KYNU: variants seen among roughly 807,000 people sequenced by gnomAD.
The protein encoded by KYNU is kynureninase, also known as L-kynurenine hydrolase.
KYNU carries 54 observed loss-of-function variants against 59.2 expected under a neutral mutation model. The ratio of observed to expected loss-of-function variants is 0.91; its 90% CI spans 0.73 to 1.14. The LOEUF (loss-of-function observed/expected upper bound fraction) is 1.14, where lower values mean the gene tolerates loss of function less well. Among genes scored for constraint, KYNU ranks in the 50% most tolerant of loss-of-function variants. KYNU has a pLI of 0.00. For synonymous variants in KYNU, 177 were observed against 192.0 expected (o/e 0.92, Z 0.65); for missense variants, 567 against 554.4 (o/e 1.02, Z -0.23).
intron 2 of KYNU, among the ~76,000 whole-genome samples, chr2:142,899,676 GATC>G (rs1682005776): frequency 6.6e-6 from 1 of 152,160 alleles, no homozygotes. Flanking sequence ...GCCCACAGTA[GATC>G]TTAGTCATGC....
chr2:143,002,032 A>C (rs978721869), intron 10 of KYNU, among the ~76,000 whole-genome samples: 1 of 152,154 alleles, frequency 6.6e-6, no homozygotes, highest in Non-Finnish European at 1.5e-5. Flanking sequence ...GCTTCCATAC[A>C]GGGGTAATAG....
chr2:143,032,861 A>G (rs543549798), intron 11 of KYNU, among the ~76,000 whole-genome samples: 3 of 152,250 alleles, frequency 2.0e-5, no homozygotes, highest in Non-Finnish European at 2.9e-5. Context: ...ACATGCCACT[A>G]AAAGCTGATG....
intron 10 of KYNU, among the ~76,000 whole-genome samples, chr2:143,018,208 C>A (rs1429680652): frequency 6.6e-6 from 1 of 152,098 alleles, no homozygotes; most frequent in African/African-American, 2.4e-5. Flanking sequence ...GTCATAAATT[C>A]TTTGCCAAAG....
At chr2:142,917,634 G>A (rs1457276247) in intron 2 of KYNU, among the ~76,000 whole-genome samples, 3 of 152,026 alleles carry the variant, frequency 2.0e-5, no homozygotes, top group Admixed American at 6.6e-5. Context: ...GAAATGGGGA[G>A]GCATATCTAA....
Position 143,042,279 on chromosome 2 carries a change from T to A in KYNU, c.*107T>A. On this transcript the variant is annotated 3_prime_UTR_variant, in exon 14 of 14. Transcript: ENST00000264170. Reference sequence around the variant, plus strand: ...AAAGTATGTCACCATTGACCACATGTAACTAACAATAAATAATATACCTTA... The same window carrying A: ...AAAGTATGTCACCATTGACCACATGAAACTAACAATAAATAATATACCTTA... The A allele has an allele frequency of 9.3e-7, 1 of 1,070,498 alleles. No homozygotes were observed. Among genetic ancestry groups the A allele is most frequent in the Non-Finnish European group, 1.4e-6 (1 of 717,286 alleles). The allele number at this position is 1,070,498 out of a possible 1,614,324, so 66.3% of individuals were successfully genotyped here.
chr2:142,936,797 C>G (rs1683404272), intron 4 of KYNU, among the ~76,000 whole-genome samples: 1 of 152,106 alleles, frequency 6.6e-6, no homozygotes, highest in Non-Finnish European at 1.5e-5. Context: ...TGAGGAGTTT[C>G]CTTTGTCTGG....
chr2:142,952,124 C>A (rs576713288), intron 4 of KYNU, among the ~76,000 whole-genome samples: 1 of 152,150 alleles, frequency 6.6e-6, no homozygotes, highest in Non-Finnish European at 1.5e-5. Flanking sequence ...CCTCTGTCAC[C>A]CTGGCTGGAG....
chr2:142,971,796 C>A (rs572806665), intron 8 of KYNU, among the ~76,000 whole-genome samples: 1 of 152,232 alleles, frequency 6.6e-6, no homozygotes, highest in Admixed American at 6.5e-5. Context: ...CAACTGTATT[C>A]CTGCTTAAAA....
At chr2:142,971,556 T>C (rs1385757128) in intron 8 of KYNU, among the ~76,000 whole-genome samples, 2 of 152,192 alleles carry the variant, frequency 1.3e-5, no homozygotes, top group Non-Finnish European at 2.9e-5. Flanking sequence ...TGCACTGTCT[T>C]ATAATTACTT....
chr2:142,977,936 AG>A (rs1469419163), intron 8 of KYNU, among the ~76,000 whole-genome samples: 2 of 152,190 alleles, frequency 1.3e-5, no homozygotes, highest in Non-Finnish European at 2.9e-5. Flanking sequence ...GAGATAGTGG[AG>A]GCCCCTCTTA....
chr2:143,035,168 A>G (rs1686859778), intron 12 of KYNU, among the ~76,000 whole-genome samples: 1 of 152,238 alleles, frequency 6.6e-6, no homozygotes, highest in Non-Finnish European at 1.5e-5. Flanking sequence ...AGCTGGGACT[A>G]CAGGTGTGCA....
chr2:143,014,359 T>C lies in KYNU; in HGVS notation c.903-15268T>C, dbSNP rs942389878. On this transcript the variant is annotated intron_variant, in intron 10 of 13. Coordinates refer to ENST00000264170, the MANE Select transcript of KYNU (RefSeq NM_003937.3). ...ATCAGGTATGAATCTCATCCTTTTC[T>C]GAGGCTTCTCCTTCCCCAGCAGGAG... is the stretch of plus-strand genomic sequence containing the variant. 3.9e-5 allele frequency among the ~76,000 whole-genome samples: 6 copies of C among 152,222 alleles called. 1 individual carries two copies. Among genetic ancestry groups the C allele is most frequent in the Non-Finnish European group, 8.8e-5 (6 of 68,042 alleles).
intron 9 of KYNU, 38 bp from the exon 10 acceptor site, chr2:142,985,910 T>A: frequency 7.2e-7 from 1 of 1,386,878 alleles, no homozygotes; most frequent in East Asian, 2.4e-5. Context: ...GTCATATATT[T>A]AAGTAAACCC....
intron 4 of KYNU, among the ~76,000 whole-genome samples, chr2:142,946,202 T>C (rs1328964056): frequency 6.6e-6 from 1 of 152,012 alleles, no homozygotes; most frequent in Admixed American, 6.6e-5. Context: ...TGGCCTCAGC[T>C]TCCCCCGAGT....
intron 2 of KYNU, among the ~76,000 whole-genome samples, chr2:142,912,367 ATTTC>A (rs1458898270): frequency 4.3e-5 from 4 of 92,016 alleles, no homozygotes; most frequent in African/African-American, 1.6e-4. Flanking sequence ...GATCTTTTGT[ATTTC>A]TTTTTTTTTT....
chr2:142,885,052 A>T (rs1279461027), intron 1 of KYNU, among the ~76,000 whole-genome samples: 1 of 113,680 alleles, frequency 8.8e-6, no homozygotes, highest in East Asian at 2.8e-4. Context: ...TTTAGTAGAG[A>T]TGAGGTTTCA....
At chr2:142,915,581 A>G (rs1200554837) in intron 2 of KYNU, among the ~76,000 whole-genome samples, 2 of 152,192 alleles carry the variant, frequency 1.3e-5, no homozygotes, top group Non-Finnish European at 2.9e-5. Flanking sequence ...AGTGGTGGAC[A>G]TTTTTGATGC....
intron 12 of KYNU, among the ~76,000 whole-genome samples, chr2:143,038,733 T>C (rs1686957613): frequency 6.6e-6 from 1 of 152,100 alleles, no homozygotes; most frequent in East Asian, 1.9e-4. Context: ...ATCCATAGCC[T>C]CTATACAGTA....
intron 4 of KYNU, among the ~76,000 whole-genome samples, chr2:142,937,372 A>T (rs1001432866): frequency 6.6e-6 from 1 of 152,322 alleles, no homozygotes; most frequent in Non-Finnish European, 1.5e-5. Flanking sequence ...AGGAGGCTGG[A>T]CAAGTCTACT....
Sources: gnomAD v4.1 joint callset for allele counts (sites outside exome capture counted in the v4.1 genomes callset) on GRCh38, gnomAD v4.1.1 for gene constraint, MANE v1.5 for transcripts, NCBI Gene and HGNC (gene_info 2026-07-23, HGNC 2026-07-21) for gene names.